The following KCNMA1 variants were observed in gnomAD, a reference collection of about 807,000 sequenced individuals.
KCNMA1 encodes the protein potassium calcium-activated channel subfamily M alpha 1.
A neutral mutation model predicts 140.0 loss-of-function variants in KCNMA1; 29 were observed. The ratio of observed to expected loss-of-function variants is 0.21; its 90% CI spans 0.15 to 0.28. The LOEUF (loss-of-function observed/expected upper bound fraction) is 0.28, where lower values mean the gene tolerates loss of function less well. KCNMA1 is among the 10% of genes least tolerant of loss of function. The pLI, the probability that KCNMA1 is intolerant of heterozygous loss-of-function variation, is 1.00. For missense variants in KCNMA1, 880 were observed against 1,602.2 expected, an observed-to-expected ratio of 0.55 and a Z score of 7.70; for synonymous variants, 612 against 611.9, an observed-to-expected ratio of 1.00 and a Z score of 0.00.
chr10:77,333,441 GAAGAA>G (rs371118624), intron 2 of KCNMA1, among the ~76,000 whole-genome samples: 5 of 150,240 alleles, frequency 3.3e-5, no homozygotes, highest in African/African-American at 4.9e-5. Flanking sequence ...AAAGAAAAGA[GAAGAA>G]AAGAAAAGAA....
chr10:77,506,867 G>T (rs914013811), intron 1 of KCNMA1, among the ~76,000 whole-genome samples: 1 of 148,450 alleles, frequency 6.7e-6, no homozygotes, highest in Non-Finnish European at 1.5e-5. Flanking sequence ...GTGTGTGTGT[G>T]TGTGTTAGAG....
intron 19 of KCNMA1, among the ~76,000 whole-genome samples, chr10:76,989,243 A>T (rs986374870): frequency 6.6e-5 from 10 of 152,124 alleles, no homozygotes; most frequent in Non-Finnish European, 1.2e-4. Context: ...TAAAGTAGAA[A>T]CCTGTAAGAA....
At chr10:77,549,722 C>G (rs980780191) in intron 1 of KCNMA1, among the ~76,000 whole-genome samples, 1 of 152,190 alleles carries the variant, frequency 6.6e-6, no homozygotes, top group East Asian at 1.9e-4. Context: ...AAACATCCCA[C>G]CAGACTCTCA....
chr10:76,980,199 A>G (rs1388366190), intron 19 of KCNMA1: 2 of 152,224 alleles, frequency 1.3e-5, no homozygotes, highest in East Asian at 3.9e-4. Flanking sequence ...AGCTGCACTC[A>G]TACGCAGACC....
chr10:77,355,495 G>C (rs776462668), intron 2 of KCNMA1, among the ~76,000 whole-genome samples: 1 of 152,178 alleles, frequency 6.6e-6, no homozygotes. Context: ...GCCTGGAAAC[G>C]ATGCCATTTC....
intron 6 of KCNMA1, among the ~76,000 whole-genome samples, chr10:77,113,654 G>T (rs1056652976): frequency 6.6e-6 from 1 of 152,010 alleles, no homozygotes; most frequent in African/African-American, 2.4e-5. Flanking sequence ...AGTAGAGATG[G>T]AGTTTCACCA....
chr10:77,492,352 T>C lies in KCNMA1; in HGVS notation c.379-88329A>G, dbSNP rs1377413394. On this transcript the variant is annotated intron_variant, in intron 1 of 27. Transcript: ENST00000286628. The stretch of plus-strand genomic sequence containing the variant: ...CTGATCTGCATGCTCTGATTCCCCA[T>C]AATGAAAGAGCTGGATCACCTCCTT... Among the ~76,000 whole-genome samples, 3 of 152,184 alleles carry C rather than the reference T, an allele frequency of 2.0e-5. No individual in the cohort carries two copies. The East Asian group carries it at 5.8e-4, about 29-fold the overall frequency.
At chr10:77,614,825 C>T (rs942134972) in intron 1 of KCNMA1, among the ~76,000 whole-genome samples, 2 of 152,188 alleles carry the variant, frequency 1.3e-5, no homozygotes, top group African/African-American at 4.8e-5. Flanking sequence ...CTCCCCCAAG[C>T]AAGCACCACA....
At chr10:77,481,834 A>C (rs2098401746) in intron 1 of KCNMA1, among the ~76,000 whole-genome samples, 1 of 104,432 alleles carries the variant, frequency 9.6e-6, no homozygotes. Context: ...TTTGATATAA[A>C]TCTCATACGT....
chr10:76,886,809 T>C lies in KCNMA1; in HGVS notation c.*457A>G. 3.7e-6 allele frequency: 4 copies of C among 1,078,620 alleles called. No homozygotes were observed. Among genetic ancestry groups the C allele is most frequent in the Non-Finnish European group, 4.5e-6 (4 of 886,210 alleles). 66.8% of individuals were successfully genotyped at this position (1,078,620 alleles called of 1,614,324 possible). ...TTGTTTCAAATAAACATGTGCTAAC[T>C]TATTGTGTGTATAAAAAAAGAAAGA... On this transcript the variant is annotated 3_prime_UTR_variant, in exon 28 of 28. Transcript: ENST00000286628.
intron 1 of KCNMA1, among the ~76,000 whole-genome samples, chr10:77,627,246 T>C (rs188877907): frequency 1.3e-5 from 2 of 151,924 alleles, no homozygotes; most frequent in Admixed American, 6.6e-5. Flanking sequence ...CCAACTCGAG[T>C]TTCCTAACAA....
At chr10:77,263,350 T>C (rs901387040) in intron 2 of KCNMA1, among the ~76,000 whole-genome samples, 7 of 152,316 alleles carry the variant, frequency 4.6e-5, no homozygotes, top group Middle Eastern at 6.8e-3. Flanking sequence ...CCTTATTTTG[T>C]CTTTCGGTAA....
intron 1 of KCNMA1, among the ~76,000 whole-genome samples, chr10:77,485,105 C>G (rs966828511): frequency 6.6e-6 from 1 of 152,166 alleles, no homozygotes; most frequent in Non-Finnish European, 1.5e-5. Context: ...TCCAGCCAGC[C>G]CACCTCATGA....
At chr10:77,325,404 T>G (rs568981638) in intron 2 of KCNMA1, among the ~76,000 whole-genome samples, 1 of 152,280 alleles carries the variant, frequency 6.6e-6, no homozygotes, top group African/African-American at 2.4e-5. Flanking sequence ...AGCCTTTGCA[T>G]GGAGTGATAT....
Position 77,404,010 on chromosome 10 carries a change from A to G in KCNMA1, c.392T>C (p.Ile131Thr), listed in dbSNP as rs957532714. Reference sequence around the variant, plus strand: ...ATCCGCCTGGCTTGAGCCATTGTTAATCTTCTGGGCCTCCTGGCAACAGAG... The same window carrying G: ...ATCCGCCTGGCTTGAGCCATTGTTAGTCTTCTGGGCCTCCTGGCAACAGAG... ...CGGKTKEAQK[I>T]NNGSSQADGT... The change falls in exon 2 of 28, where the codon ATT becomes ACT. Residue 131 changes from isoleucine (I) to threonine (T), a missense_variant. Transcript: ENST00000286628. 6.2e-7 allele frequency: 1 copy of G among 1,614,150 alleles called. No individual in the cohort carries two copies. Among genetic ancestry groups the G allele is most frequent in the Non-Finnish European group, 8.5e-7 (1 of 1,180,034 alleles).
chr10:77,380,171 C>G (rs2095331712), intron 2 of KCNMA1, among the ~76,000 whole-genome samples: 1 of 152,166 alleles, frequency 6.6e-6, no homozygotes, highest in African/African-American at 2.4e-5. Context: ...TCTGAAAGTT[C>G]TTTCATGTGC....
intron 3 of KCNMA1, among the ~76,000 whole-genome samples, chr10:77,236,784 G>T (rs2055633630): frequency 6.6e-6 from 1 of 152,066 alleles, no homozygotes; most frequent in African/African-American, 2.4e-5. Flanking sequence ...TTTCCATCTT[G>T]GGCTGATCAA....
At chr10:77,185,866 CAGTAGGTAAAT>C (rs148274443) in intron 3 of KCNMA1, among the ~76,000 whole-genome samples, 3,013 of 152,128 alleles carry the variant, frequency 0.02, 102 homozygotes, top group African/African-American at 0.069. Flanking sequence ...ATTCTGTGAT[CAGTAGGTAAAT>C]AGTAACACCC....
intron 5 of KCNMA1, among the ~76,000 whole-genome samples, chr10:77,176,301 T>TA (rs1440714321): frequency 6.6e-6 from 1 of 152,138 alleles, no homozygotes; most frequent in East Asian, 1.9e-4. Context: ...GCATGATTCC[T>TA]AAAAAAGAGG....
Sources: gnomAD v4.1 joint callset for allele counts (sites outside exome capture counted in the v4.1 genomes callset) on GRCh38, gnomAD v4.1.1 for gene constraint, MANE v1.5 for transcripts, NCBI Gene and HGNC (gene_info 2026-07-23, HGNC 2026-07-21) for gene names.